MUC5AC: variants seen among roughly 807,000 people sequenced by gnomAD.
The protein encoded by MUC5AC is mucin-5AC.
A neutral mutation model predicts 169.7 loss-of-function variants in MUC5AC; 158 were observed. That is an observed-to-expected ratio of 0.93 (90% CI 0.82 to 1.06). The LOEUF (loss-of-function observed/expected upper bound fraction) is 1.06. Among genes scored for constraint, MUC5AC ranks in the 50% least tolerant of loss-of-function variants. MUC5AC has a pLI of 0.00. For synonymous variants in MUC5AC, 1,975 were observed against 1,237.0 expected, an observed-to-expected ratio of 1.60 and a Z score of -12.52; for missense variants, 4,359 against 3,089.9, an observed-to-expected ratio of 1.41 and a Z score of -9.74.
In MUC5AC at chr11:1,161,546, G is replaced by A. The variant is rs776509083; in HGVS notation, c.171G>A (p.Ala57=). 17 of 1,608,992 alleles carry A rather than the reference G, an allele frequency of 1.1e-5. No homozygotes were observed. The highest frequency in any genetic ancestry group is 3.3e-5 in the Admixed American group (2 of 59,840). ...CCGCAGGGGTCCCGCTCCGTGGGGC[G>A]ACTGTCTTCCCATCTCTGAGGACCA... ...RGPSGVPLRG[A]TVFPSLRTIP... Residue 57 remains alanine (A), a synonymous_variant, in exon 3 of 49, where the codon GCG becomes GCA. Transcript: ENST00000621226.
intron 16 of MUC5AC, among the ~76,000 whole-genome samples, chr11:1,173,806 A>G (rs1860612407): frequency 7.4e-6 from 1 of 135,708 alleles, no homozygotes; most frequent in Non-Finnish European, 1.6e-5. Flanking sequence ...TCCCTCATTC[A>G]TTCCTTCACT....
At chr11:1,172,822 TCACCCATTCACTCACTCACCCACTCATC>T (rs1860579269) in intron 16 of MUC5AC, among the ~76,000 whole-genome samples, 1 of 149,232 alleles carries the variant, frequency 6.7e-6, no homozygotes, top group African/African-American at 2.5e-5. Flanking sequence ...ATTTACCCAC[TCACCCATTCACTCACTCACCCACTCATC>T]CACCCATTCA....
rs1338071517 is a variant in MUC5AC at position 1,185,110 on chromosome 11, C to T, written c.6965C>T (p.Thr2322Ile). ...PTTSTISAPT[T>I]SITSAPTTST... ...ACCAGCACAATCTCTGCTCCTACAA[C>T]TAGCATAACCTCTGCCCCTACAACC... Residue 2322 changes from threonine to isoleucine, a missense_variant, in exon 31 of 49, where the codon ACT (threonine) becomes ATT (isoleucine). By Grantham distance (89) the Thr-to-Ile change is moderately conservative. Coordinates refer to ENST00000621226, the MANE Select transcript of MUC5AC (RefSeq NM_001304359.2). The T allele has an allele frequency of 4.2e-6, 3 of 715,530 alleles. No individual in the cohort carries two copies. Among genetic ancestry groups the T allele is most frequent in the African/African-American group, 3.5e-5 (2 of 56,832 alleles). The allele number at this position is 715,530 out of a possible 1,614,324, so 44.3% of individuals were successfully genotyped here.
chr11:1,163,158 G>A (rs983696740), intron 6 of MUC5AC, 113 bp downstream of exon 6: 2 of 990,028 alleles, frequency 2.0e-6, no homozygotes, highest in African/African-American at 3.2e-5. Flanking sequence ...ATACACGGAT[G>A]CAGCTGCCCT....
rs1860972946 is a variant in MUC5AC at position 1,187,174 on chromosome 11, C to G, written c.9029C>G (p.Thr3010Ser). ...PTTSTISAPTTSTPSAPTTST... is the reference protein window; with the variant it reads ...PTTSTISAPTSSTPSAPTTST... ...ACCAGCACAATCTCGGCCCCAACAA[C>G]CAGCACACCCTCTGCCCCTACAACC... is the stretch of plus-strand genomic sequence containing the variant. The change falls in exon 31 of 49, where the codon ACC (threonine) becomes AGC (serine). Residue 3010 changes from threonine (T) to serine (S), a missense_variant. Transcript: ENST00000621226. The G allele has an allele frequency of 2.8e-6, 2 of 706,266 alleles. No individual in the cohort carries two copies. Among genetic ancestry groups the G allele is most frequent in the Non-Finnish European group, 5.2e-6 (2 of 388,272 alleles). The allele number at this position is 706,266 out of a possible 1,614,324, so 43.7% of individuals were successfully genotyped here.
At position 1,196,438 on chromosome 11, in the gene MUC5AC, C is replaced by G. The variant is rs1474723038; in HGVS notation, c.15688C>G (p.Pro5230Ala). ...KVYQPCGPSN[P>A]SYCYGNDSAS... ...GTACCAGCCCTGCGGCCCGAGCAAC[C>G]CCTCCTACTGCTACGGGAATGACAG... The change falls in exon 38 of 49, where the codon CCC becomes GCC. Residue 5230 changes from proline to alanine, a missense_variant. Physicochemically the swap from Pro to Ala is conservative, Grantham distance 27 (BLOSUM62 -1). Transcript: ENST00000621226. 1 of 764,938 alleles carries G rather than the reference C, an allele frequency of 1.3e-6. No homozygotes were observed. Among genetic ancestry groups the G allele is most frequent in the East Asian group, 2.4e-5 (1 of 41,260 alleles). The allele number at this position is 764,938 out of a possible 1,614,324, so 47.4% of individuals were successfully genotyped here. A position where few individuals can be genotyped will look rare whatever the true frequency, so the allele number is the denominator to read the frequency against.
chr11:1,160,695 T>C lies in MUC5AC; in HGVS notation c.151+6T>C. ...TATCGCCCGGGGGCCCAGCGGTGAG[T>C]CTGAGTGTCCGGCCCCCACCCTAAG... On this transcript the variant is annotated splice_donor_region_variant and intron_variant, in intron 2 of 48. Coordinates refer to ENST00000621226, the MANE Select transcript of MUC5AC (RefSeq NM_001304359.2). 6.2e-7 allele frequency: 1 copy of C among 1,607,800 alleles called. No individual in the cohort carries two copies. The highest frequency in any genetic ancestry group is 1.7e-5 in the Admixed American group (1 of 59,808).
intron 32 of MUC5AC, 53 bp downstream of exon 32, chr11:1,193,035 T>C: frequency 1.6e-6 from 1 of 622,760 alleles, no homozygotes. Flanking sequence ...TACAGGGAAC[T>C]TGAATGTCTT....
Position 1,196,039 on chromosome 11 carries a change from A to T in MUC5AC, c.15622A>T (p.Thr5208Ser). The change falls in exon 37 of 49, where the codon ACC (threonine) becomes TCC (serine). Residue 5208 changes from threonine (T) to serine (S), a missense_variant. Transcript: ENST00000621226. ...CATCTGCATCGATTGGAGAGGCCGG[A>T]CCGGCCACATGTGCCGTGAGTGCCA... Reference protein sequence around the residue: ...HDICIDWRGRTGHMCPFTCPA... With the variant: ...HDICIDWRGRSGHMCPFTCPA... The T allele has an allele frequency of 2.6e-6, 2 of 764,550 alleles. No individual in the cohort carries two copies. Among genetic ancestry groups the T allele is most frequent in the Non-Finnish European group, 4.8e-6 (2 of 417,600 alleles). The allele number at this position is 764,550 out of a possible 1,614,324, so 47.4% of individuals were successfully genotyped here.
At position 1,158,128 on chromosome 11, in the gene MUC5AC, G is replaced by C. The variant is rs540735679; in HGVS notation, c.73+56G>C. The C allele has an allele frequency of 2.3e-4, 329 of 1,456,258 alleles. No homozygotes were observed. In the East Asian group the frequency reaches 7.3e-3, roughly 32 times the overall value. The allele number at this position is 1,456,258 out of a possible 1,614,324, so 90.2% of individuals were successfully genotyped here. The stretch of plus-strand genomic sequence containing the variant: ...TCCTGGGTGGTGCGGTACTGAGTGG[G>C]CCTCAGGCAGCTCAGTCTTTGCCCT... On this transcript the variant is annotated intron_variant, in intron 1 of 48. Transcript: ENST00000621226.
In MUC5AC at chr11:1,185,994, A is replaced by G. The variant is rs1207690535; in HGVS notation, c.7849A>G (p.Ile2617Val). 1.4e-5 allele frequency: 10 copies of G among 728,926 alleles called. No individual in the cohort carries two copies. Among genetic ancestry groups the G allele is most frequent in the Non-Finnish European group, 2.3e-5 (9 of 399,572 alleles). The allele number at this position is 728,926 out of a possible 1,614,324, so 45.2% of individuals were successfully genotyped here. A position where few individuals can be genotyped will look rare whatever the true frequency, so the allele number is the denominator to read the frequency against. ...TACAACCAGCACAAACTCTGCCCCT[A>G]TAAGCAGCACAACCTCTGCCACTAC... ...APTTSTNSAP[I>V]SSTTSATTTS... Residue 2617 changes from isoleucine to valine, a missense_variant, in exon 31 of 49, where the codon ATA becomes GTA. Ile to Val is a conservative substitution (Grantham distance 29, BLOSUM62 3). Coordinates refer to ENST00000621226, the MANE Select transcript of MUC5AC (RefSeq NM_001304359.2).
chr11:1,164,970 G>A (rs1860272269), intron 9 of MUC5AC, among the ~76,000 whole-genome samples: 1 of 133,074 alleles, frequency 7.5e-6, no homozygotes, highest in Non-Finnish European at 1.6e-5. Context: ...GGGCCCCTGA[G>A]GCTGGCTGAG....
intron 48 of MUC5AC, 133 bp downstream of exon 48, chr11:1,200,102 G>A (rs1861386023): frequency 9.8e-6 from 6 of 611,092 alleles, no homozygotes; most frequent in East Asian, 2.7e-5. Flanking sequence ...AGGGTGAGGC[G>A]GGAAAGGGGT....
chr11:1,166,360 AC>A (rs1209992857), intron 11 of MUC5AC, among the ~76,000 whole-genome samples: 1 of 139,336 alleles, frequency 7.2e-6, no homozygotes, highest in Non-Finnish European at 1.5e-5. Flanking sequence ...CTATGGTGAG[AC>A]CCTGCACCCG....
Position 1,164,198 on chromosome 11 carries a change from C to T in MUC5AC, c.882C>T (p.Asp294=). 1.2e-6 allele frequency: 2 copies of T among 1,612,636 alleles called. No individual in the cohort carries two copies. The highest frequency in any genetic ancestry group is 1.7e-6 in the Non-Finnish European group (2 of 1,179,870). ...GCTACCTGGAGGCTTGCAGGCAAGA[C>T]CTCTGCTTCTGTGAAGACACCGACC... The part of the protein sequence containing the change: ...VGSYLEACRQ[D]LCFCEDTDLL... The change falls in exon 8 of 49, where the codon GAC becomes GAT. Residue 294 remains aspartate (D), a synonymous_variant. Transcript: ENST00000621226.
rs1861072311 is a variant in MUC5AC at position 1,190,845 on chromosome 11, A to G, written c.12700A>G (p.Thr4234Ala). The G allele has an allele frequency of 1.3e-6, 1 of 742,740 alleles. No individual in the cohort carries two copies. Among genetic ancestry groups the G allele is most frequent in the African/African-American group, 1.7e-5 (1 of 58,342 alleles). 46.0% of individuals were successfully genotyped at this position (742,740 alleles called of 1,614,324 possible). A position where few individuals can be genotyped will look rare whatever the true frequency, so the allele number is the denominator to read the frequency against. Residue 4234 changes from threonine (T) to alanine (A), a missense_variant, in exon 31 of 49, where the codon ACC becomes GCC. Thr to Ala is a moderately conservative substitution (Grantham distance 58, BLOSUM62 0). Coordinates refer to ENST00000621226, the MANE Select transcript of MUC5AC (RefSeq NM_001304359.2). Reference protein sequence around the residue: ...TPSPVPTTSTTSASTTSTTSA... With the variant: ...TPSPVPTTSTASASTTSTTSA... ...AAGCCCTGTTCCCACCACCAGCACA[A>G]CCTCTGCCTCTACAACCAGCACAAC...
At position 1,189,368 on chromosome 11, in the gene MUC5AC, A is replaced by G; in HGVS notation, c.11223A>G (p.Thr3741=). The G allele has an allele frequency of 1.7e-6, 1 of 572,362 alleles. No homozygotes were observed. Among genetic ancestry groups the G allele is most frequent in the Non-Finnish European group, 3.1e-6 (1 of 323,542 alleles). The allele number at this position is 572,362 out of a possible 1,614,324, so 35.5% of individuals were successfully genotyped here. A position where few individuals can be genotyped will look rare whatever the true frequency, so the allele number is the denominator to read the frequency against. ...APTTSTISAP[T]TSTISAPTTS... The stretch of plus-strand genomic sequence containing the variant: ...CCACCAGCACAATCTCTGCCCCTAC[A>G]ACCAGCACAATCTCTGCCCCTACAA... Residue 3741 remains threonine, a synonymous_variant, in exon 31 of 49, where the codon ACA becomes ACG. Transcript: ENST00000621226.
At chr11:1,175,962 G>C (rs1019278085) in intron 19 of MUC5AC, among the ~76,000 whole-genome samples, 189 bp from the exon 20 acceptor site, 20,755 of 105,134 alleles carry the variant, frequency 0.2, 1,916 homozygotes, top group African/African-American at 0.22. Context: ...CTCACACCCA[G>C]TTATGCAACG....
intron 21 of MUC5AC, 103 bp from the exon 22 acceptor site, chr11:1,176,825 G>A (rs1349941241): frequency 5.0e-6 from 2 of 398,548 alleles, no homozygotes; most frequent in African/African-American, 2.1e-5. Context: ...AGGCCCAGTG[G>A]GCGCGTGTCT....
Sources: gnomAD v4.1 joint callset for allele counts (sites outside exome capture counted in the v4.1 genomes callset) on GRCh38, gnomAD v4.1.1 for gene constraint, MANE v1.5 for transcripts, NCBI Gene and HGNC (gene_info 2026-07-23, HGNC 2026-07-21) for gene names.